The following PCDH9 variants were observed in gnomAD, a reference collection of about 807,000 sequenced individuals.
PCDH9 encodes the protein protocadherin 9.
Under a neutral mutation model 70.6 loss-of-function variants are expected in PCDH9, and 24 were observed. The observed-to-expected ratio is 0.34, with a 90% CI of 0.25 to 0.48. The LOEUF (loss-of-function observed/expected upper bound fraction) is 0.48, where lower values mean the gene tolerates loss of function less well. Among genes scored for constraint, PCDH9 ranks in the 20% least tolerant of loss-of-function variants. The pLI, the probability that PCDH9 is intolerant of heterozygous loss-of-function variation, is 0.99. For synonymous variants in PCDH9, 562 were observed against 558.5 expected (o/e 1.01, Z -0.09); for missense variants, 1,281 against 1,503.6 (o/e 0.85, Z 2.45).
chr13:66,925,728 CATAAT>C (rs1379562793), intron 2 of PCDH9, among the ~76,000 whole-genome samples: 11 of 151,898 alleles, frequency 7.2e-5, no homozygotes, highest in Non-Finnish European at 1.5e-4. Flanking sequence ...ACAAACATAT[CATAAT>C]ATAATAATAT....
intron 4 of PCDH9, among the ~76,000 whole-genome samples, chr13:66,458,677 A>G (rs1018932886): frequency 1.2e-4 from 18 of 152,026 alleles, no homozygotes; most frequent in Non-Finnish European, 2.5e-4. Flanking sequence ...CTATCCAAAA[A>G]TCTTATTCAA....
intron 3 of PCDH9, among the ~76,000 whole-genome samples, chr13:66,672,099 G>C (rs985039392): frequency 1.6e-4 from 24 of 152,154 alleles, no homozygotes; most frequent in African/African-American, 5.5e-4. Context: ...TTGGGACTTG[G>C]TGCCCTTTGT....
chr13:66,897,716 T>C (rs1174129537), intron 3 of PCDH9, among the ~76,000 whole-genome samples: 1 of 152,150 alleles, frequency 6.6e-6, no homozygotes, highest in African/African-American at 2.4e-5. Flanking sequence ...CTTGGTAATT[T>C]GTTACAAATT....
chr13:67,048,049 T>C (rs1032738787), intron 2 of PCDH9, among the ~76,000 whole-genome samples: 9 of 152,212 alleles, frequency 5.9e-5, no homozygotes, highest in African/African-American at 2.2e-4. Flanking sequence ...TGCCATTACA[T>C]GTGTTGCCCA....
At chr13:67,160,675 T>C (rs1242214811) in intron 2 of PCDH9, among the ~76,000 whole-genome samples, 4 of 152,212 alleles carry the variant, frequency 2.6e-5, no homozygotes, top group Admixed American at 2.6e-4. Flanking sequence ...TTATCAGATA[T>C]AAACTAGCAT....
intron 4 of PCDH9, among the ~76,000 whole-genome samples, chr13:66,340,725 A>G (rs530518864): frequency 3.9e-5 from 6 of 152,324 alleles, no homozygotes; most frequent in South Asian, 2.1e-4. Flanking sequence ...CTGATTCTCC[A>G]TTATACAAAG....
chr13:66,571,458 A>G (rs1040437425), intron 4 of PCDH9, among the ~76,000 whole-genome samples: 1 of 152,048 alleles, frequency 6.6e-6, no homozygotes, highest in African/African-American at 2.4e-5. Context: ...ATATAAGGGC[A>G]TTATAAAAAG....
chr13:67,211,859 T>C (rs1046030756), intron 2 of PCDH9: 14 of 152,084 alleles, frequency 9.2e-5, no homozygotes, highest in African/African-American at 3.4e-4. Flanking sequence ...TCCATATCTG[T>C]GGTAAACATG....
At chr13:66,640,428 A>C (rs1482307945) in intron 3 of PCDH9, among the ~76,000 whole-genome samples, 1 of 152,128 alleles carries the variant, frequency 6.6e-6, no homozygotes, top group Non-Finnish European at 1.5e-5. Flanking sequence ...TTTTTAAAGT[A>C]AGTTGCAGCT....
intron 4 of PCDH9, among the ~76,000 whole-genome samples, chr13:66,348,048 A>T (rs1040638957): frequency 6.6e-6 from 1 of 152,320 alleles, no homozygotes; most frequent in African/African-American, 2.4e-5. Flanking sequence ...AACTCAGACT[A>T]CTGAGGTTCT....
At chr13:66,957,084 A>G (rs1412682615) in intron 2 of PCDH9, among the ~76,000 whole-genome samples, 2 of 152,218 alleles carry the variant, frequency 1.3e-5, no homozygotes, top group African/African-American at 4.8e-5. Flanking sequence ...AGTTAGATAC[A>G]GCATAGAGTG....
chr13:66,667,757 A>C (rs1385159870), intron 3 of PCDH9, among the ~76,000 whole-genome samples: 4 of 152,158 alleles, frequency 2.6e-5, no homozygotes. Flanking sequence ...ATCTAGTATT[A>C]TGCACAGTAT....
intron 3 of PCDH9, among the ~76,000 whole-genome samples, chr13:66,806,747 A>T (rs770554125): frequency 1.3e-5 from 2 of 152,170 alleles, no homozygotes; most frequent in Non-Finnish European, 2.9e-5. Context: ...TGCTGTAGTT[A>T]ATGAGTCAAG....
At chr13:66,896,708 T>G (rs1308862655) in intron 3 of PCDH9, among the ~76,000 whole-genome samples, 1 of 152,174 alleles carries the variant, frequency 6.6e-6, no homozygotes, top group Non-Finnish European at 1.5e-5. Context: ...ACTAAAAATG[T>G]GTTTAGATAC....
chr13:67,080,725 TA>T (rs1329417492), intron 2 of PCDH9, among the ~76,000 whole-genome samples: 1 of 152,214 alleles, frequency 6.6e-6, no homozygotes, highest in Non-Finnish European at 1.5e-5. Flanking sequence ...CAAACTGCCT[TA>T]AAATTAATTG....
At chr13:66,396,248 G>A (rs1448048652) in intron 4 of PCDH9, among the ~76,000 whole-genome samples, 1 of 152,118 alleles carries the variant, frequency 6.6e-6, no homozygotes, top group Non-Finnish European at 1.5e-5. Flanking sequence ...TGGGGAAGAT[G>A]GGTTATAATT....
chr13:66,750,498 C>T (rs1045248240), intron 3 of PCDH9, among the ~76,000 whole-genome samples: 3 of 151,930 alleles, frequency 2.0e-5, no homozygotes, highest in African/African-American at 7.3e-5. Context: ...TGTCTCTCTG[C>T]TATCCCTGAA....
intron 3 of PCDH9, among the ~76,000 whole-genome samples, chr13:66,730,885 TTGTTTGTTTC>T (rs756299673): frequency 1.6e-4 from 2 of 12,222 alleles, no homozygotes; most frequent in African/African-American, 2.5e-4. Flanking sequence ...TGTTTTTTTT[TTGTTTGTTTC>T]TTTTTTTTTG....
chr13:66,675,688 T>C (rs887369886), intron 3 of PCDH9, among the ~76,000 whole-genome samples: 1 of 152,114 alleles, frequency 6.6e-6, no homozygotes, highest in African/African-American at 2.4e-5. Context: ...GAGTAAGTAG[T>C]GTTAAAGCAT....
Sources: gnomAD v4.1 joint callset for allele counts (sites outside exome capture counted in the v4.1 genomes callset) on GRCh38, gnomAD v4.1.1 for gene constraint, MANE v1.5 for transcripts, NCBI Gene and HGNC (gene_info 2026-07-23, HGNC 2026-07-21) for gene names.